Variants in SGCG observed in about 807,000 individuals in gnomAD.
SGCG encodes sarcoglycan gamma.
In SGCG, 26 loss-of-function variants were observed where a neutral mutation model predicts 29.3. The ratio of observed to expected loss-of-function variants is 0.89; its 90% CI spans 0.65 to 1.23. The LOEUF is 1.23. Among genes scored for constraint, SGCG ranks in the 50% most tolerant of loss-of-function variants. SGCG has a pLI of 0.00. For synonymous variants in SGCG, 145 were observed against 129.7 expected (o/e 1.12, Z -0.80); for missense variants, 353 against 356.0 (o/e 0.99, Z 0.07).
At chr13:23,294,641 T>A (rs1158240688) in intron 5 of SGCG, among the ~76,000 whole-genome samples, 1 of 152,258 alleles carries the variant, frequency 6.6e-6, no homozygotes, top group African/African-American at 2.4e-5. Context: ...TCACATATTG[T>A]TATTTATGTA....
At chr13:23,244,987 G>C (rs1879647988) in intron 3 of SGCG, 1 of 152,190 alleles carries the variant, frequency 6.6e-6, no homozygotes, top group Non-Finnish European at 1.5e-5. Flanking sequence ...GGTTTGGAAG[G>C]GGACAGAGGC....
intron 2 of SGCG, 127 bp downstream of exon 2, chr13:23,204,016 T>G (rs1877882244): frequency 1.3e-6 from 1 of 758,150 alleles, no homozygotes; most frequent in African/African-American, 1.8e-5. Flanking sequence ...GCTCTGAATT[T>G]CAGGAGCAAA....
chr13:23,319,504 A>G (rs1481042443), intron 6 of SGCG, among the ~76,000 whole-genome samples: 1 of 152,148 alleles, frequency 6.6e-6, no homozygotes, highest in Non-Finnish European at 1.5e-5. Context: ...TTCTATAACA[A>G]ATAGTCATAG....
chr13:23,205,873 A>C (rs780914313), intron 2 of SGCG, among the ~76,000 whole-genome samples: 7 of 152,300 alleles, frequency 4.6e-5, no homozygotes, highest in Non-Finnish European at 8.8e-5. Flanking sequence ...ACAAAATAAG[A>C]AAAACTACCA....
At chr13:23,314,187 T>TAG (rs1209377684) in intron 6 of SGCG, among the ~76,000 whole-genome samples, 17 of 96,938 alleles carry the variant, frequency 1.8e-4, no homozygotes, top group South Asian at 1.1e-3. Flanking sequence ...TATATATATA[T>TAG]ATAGAGAGAG....
intron 1 of SGCG, among the ~76,000 whole-genome samples, chr13:23,182,540 T>G (rs1876783442): frequency 6.6e-6 from 1 of 151,774 alleles, no homozygotes; most frequent in Non-Finnish European, 1.5e-5. Flanking sequence ...CAGGGCCAGA[T>G]AGTTCTACGA....
intron 2 of SGCG, among the ~76,000 whole-genome samples, chr13:23,229,862 C>T (rs1244329501): frequency 1.3e-5 from 2 of 152,106 alleles, no homozygotes; most frequent in African/African-American, 4.8e-5. Flanking sequence ...TTTGCTGGTT[C>T]CTATATCCTA....
chr13:23,171,016 G>A, the SGCG span, among the ~76,000 whole-genome samples: 2 of 152,120 alleles, frequency 1.3e-5, no homozygotes, highest in South Asian at 4.1e-4. Flanking sequence ...GCTATGCTAT[G>A]GTCTGCCTAT....
At chr13:23,297,675 G>A (rs1014954699) in intron 6 of SGCG, among the ~76,000 whole-genome samples, 2 of 152,152 alleles carry the variant, frequency 1.3e-5, no homozygotes, top group Admixed American at 1.3e-4. Context: ...TTCCAGCGTG[G>A]GCGTTATGGC....
intron 6 of SGCG, among the ~76,000 whole-genome samples, chr13:23,302,413 C>T (rs1307195929): frequency 6.6e-6 from 1 of 152,002 alleles, no homozygotes; most frequent in Non-Finnish European, 1.5e-5. Context: ...ACTTATTCTT[C>T]CTATGTAAGT....
intron 1 of SGCG, among the ~76,000 whole-genome samples, chr13:23,189,093 C>T (rs1311075207): frequency 1.3e-5 from 2 of 152,204 alleles, no homozygotes; most frequent in Non-Finnish European, 2.9e-5. Context: ...ATCCCCCGTC[C>T]TCTCACTACA....
At chr13:23,281,341 GTAATAATAATAATAATAATAATAA>G (rs57723057) in intron 5 of SGCG, among the ~76,000 whole-genome samples, 65,438 of 146,584 alleles carry the variant, frequency 0.45, 15,170 homozygotes, top group Middle Eastern at 0.65. Flanking sequence ...CCGTGTCTCA[GTAATAATAATAATAATAATAATAA>G]TAATAATAAT....
chr13:23,275,364 A>G (rs1423189056), intron 4 of SGCG, among the ~76,000 whole-genome samples: 1 of 151,944 alleles, frequency 6.6e-6, no homozygotes, highest in Non-Finnish European at 1.5e-5. Flanking sequence ...AAAATACAAA[A>G]GTCAGCCGGG....
At chr13:23,250,592 C>T in intron 3 of SGCG, 38 bp from the exon 4 acceptor site, 1 of 972,280 alleles carries the variant, frequency 1.0e-6, no homozygotes, top group Non-Finnish European at 1.7e-6. Context: ...TCATTTTAAA[C>T]AGCACCTATT....
chr13:23,277,483 T>G (rs1452853831), intron 4 of SGCG, among the ~76,000 whole-genome samples: 2 of 152,158 alleles, frequency 1.3e-5, no homozygotes, highest in East Asian at 3.9e-4. Context: ...CCAAAAATAT[T>G]TATTTATTTA....
rs778502285 is a variant in SGCG, at chr13:23,203,793, G to A, written c.99G>A (p.Lys33=). The A allele has an allele frequency of 6.2e-7, 1 of 1,613,872 alleles. No individual in the cohort carries two copies. Among genetic ancestry groups the A allele is most frequent in the East Asian group, 2.2e-5 (1 of 44,878 alleles). Residue 33 remains lysine (K), a synonymous_variant, in exon 2 of 8, where the codon AAG becomes AAA. Coordinates refer to ENST00000218867, the MANE Select transcript of SGCG (RefSeq NM_000231.3). ...AAATTGGCATTTATGGCTGGAGAAA[G>A]CGCTGTCTCTACTTGTTTGTTCTTC... The part of the protein sequence containing the change: ...VYKIGIYGWR[K]RCLYLFVLLL...
chr13:23,314,695 C>A (rs1882741526), intron 6 of SGCG, among the ~76,000 whole-genome samples: 1 of 151,884 alleles, frequency 6.6e-6, no homozygotes, highest in African/African-American at 2.4e-5. Context: ...TATTTGTGTG[C>A]CAGAGGATGG....
chr13:23,166,905 G>T, the SGCG span, among the ~76,000 whole-genome samples: 2 of 152,126 alleles, frequency 1.3e-5, no homozygotes, highest in Non-Finnish European at 2.9e-5. Context: ...TATCCCTTGT[G>T]TTACAAACAA....
chr13:23,291,572 T>C (rs7332971), intron 5 of SGCG, among the ~76,000 whole-genome samples: 5,503 of 152,256 alleles, frequency 0.036, 336 homozygotes, highest in African/African-American at 0.13. Flanking sequence ...GAGCATATAA[T>C]TTGGACATTT....
Sources: allele counts gnomAD v4.1 joint callset (sites outside exome capture counted in the v4.1 genomes callset), GRCh38; gene constraint gnomAD v4.1.1; transcripts MANE v1.5; gene names NCBI Gene and HGNC (gene_info 2026-07-23, HGNC 2026-07-21).